The following ST6GAL2 variants were observed in gnomAD, a reference collection of about 807,000 sequenced individuals.
ST6GAL2 encodes beta-galactoside alpha-2,6-sialyltransferase 2.
Under a neutral mutation model 37.5 loss-of-function variants are expected in ST6GAL2, and 24 were observed. The observed-to-expected ratio is 0.64, with a 90% CI of 0.46 to 0.90. The LOEUF (loss-of-function observed/expected upper bound fraction) is 0.90. Among genes scored for constraint, ST6GAL2 ranks in the 40% least tolerant of loss-of-function variants. The pLI is 0.00. For missense variants in ST6GAL2, 715 were observed against 712.7 expected (o/e 1.00, Z -0.04); for synonymous variants, 306 against 295.1 (o/e 1.04, Z -0.38).
chr2:106,879,549 T>C (rs1331336663), intron 1 of ST6GAL2, among the ~76,000 whole-genome samples: 1 of 151,992 alleles, frequency 6.6e-6, no homozygotes, highest in African/African-American at 2.4e-5. Flanking sequence ...GGCAGAAGAA[T>C]GTTTTTTAAC....
In ST6GAL2 at chr2:106,843,854, A is replaced by T; in HGVS notation, c.124T>A (p.Ser42Thr). The change falls in exon 2 of 6, where the codon TCC becomes ACC. Residue 42 changes from serine (S) to threonine (T), a missense_variant. Coordinates refer to ENST00000409382, the MANE Select transcript of ST6GAL2 (RefSeq NM_001142351.2). ...DSNPAEPVPS[S>T]LSFLETRRLL... ...CTCCTGGTCTCCAGGAAGGAGAGGG[A>T]GCTGGGTACAGGCTCAGCGGGGTTG... is the stretch of plus-strand genomic sequence containing the variant. The T allele has an allele frequency of 3.7e-6, 6 of 1,611,972 alleles. No homozygotes were observed. Among genetic ancestry groups the T allele is most frequent in the Non-Finnish European group, 5.1e-6 (6 of 1,179,774 alleles).
intron 1 of ST6GAL2, among the ~76,000 whole-genome samples, chr2:106,847,336 G>A (rs1677183698): frequency 6.6e-6 from 1 of 152,218 alleles, no homozygotes. Flanking sequence ...CAGGGACAGT[G>A]CTTTGAGCTG....
chr2:106,851,344 CCAAA>C (rs1030578005), intron 1 of ST6GAL2, among the ~76,000 whole-genome samples: 73 of 152,246 alleles, frequency 4.8e-4, no homozygotes, highest in African/African-American at 1.7e-3. Context: ...ATACTAATGC[CCAAA>C]CAAAGACACG....
At chr2:106,865,371 C>T (rs1677979902) in intron 1 of ST6GAL2, among the ~76,000 whole-genome samples, 1 of 152,122 alleles carries the variant, frequency 6.6e-6, no homozygotes, top group Non-Finnish European at 1.5e-5. Flanking sequence ...GCAGAGAGCA[C>T]ATGCTTAGAG....
chr2:106,816,154 C>T (rs1034324351), intron 5 of ST6GAL2, among the ~76,000 whole-genome samples: 19 of 152,154 alleles, frequency 1.2e-4, no homozygotes, highest in African/African-American at 4.6e-4. Context: ...TTTATAAGGA[C>T]TGCAAAGTTC....
intron 5 of ST6GAL2, among the ~76,000 whole-genome samples, chr2:106,811,896 T>A (rs528754068): frequency 7.2e-5 from 11 of 152,182 alleles, no homozygotes; most frequent in African/African-American, 2.4e-4. Context: ...AAGGAAGAAG[T>A]GTACAGGGTA....
rs961837108 is a variant in ST6GAL2 at position 106,832,683 on chromosome 2, A to G, written c.1042-17T>C. 6.7e-7 allele frequency: 1 copy of G among 1,489,020 alleles called. No homozygotes were observed. The highest frequency in any genetic ancestry group is 1.7e-5 in the Admixed American group (1 of 59,876). The allele number at this position is 1,489,020 out of a possible 1,614,324, so 92.2% of individuals were successfully genotyped here. ...GGTCAGAATCTGCAAACACACAGAA[A>G]AACCATTTCAAAGCCAGGGTTTGGT... On this transcript the variant is annotated splice_polypyrimidine_tract_variant and intron_variant, in intron 3 of 5. Transcript: ENST00000409382.
intron 5 of ST6GAL2, among the ~76,000 whole-genome samples, chr2:106,826,362 G>T (rs1676204036): frequency 1.3e-5 from 2 of 152,010 alleles, no homozygotes; most frequent in African/African-American, 4.8e-5. Context: ...GAAAGCAGGG[G>T]CAAGAGACAG....
At chr2:106,846,857 A>G (rs939003141) in intron 1 of ST6GAL2, among the ~76,000 whole-genome samples, 3 of 152,194 alleles carry the variant, frequency 2.0e-5, no homozygotes, top group Non-Finnish European at 2.9e-5. Flanking sequence ...GGATTATTTT[A>G]TTTGGTCTTT....
chr2:106,874,671 T>A (rs1483527404), intron 1 of ST6GAL2, among the ~76,000 whole-genome samples: 1 of 152,252 alleles, frequency 6.6e-6, no homozygotes, highest in Non-Finnish European at 1.5e-5. Flanking sequence ...TTCCCCTCAA[T>A]TTTTTTCTTA....
intron 1 of ST6GAL2, among the ~76,000 whole-genome samples, chr2:106,867,054 A>G (rs1469565623): frequency 6.6e-6 from 1 of 152,202 alleles, no homozygotes; most frequent in Non-Finnish European, 1.5e-5. Context: ...TCAAGAGGCA[A>G]GGAAGAGAAG....
chr2:106,860,355 G>A (rs1677747098), intron 1 of ST6GAL2, among the ~76,000 whole-genome samples: 1 of 152,218 alleles, frequency 6.6e-6, no homozygotes, highest in South Asian at 2.1e-4. Context: ...CCAGGAAGGA[G>A]ATTGAGGAGG....
chr2:106,808,523 C>T (rs1260203192), intron 5 of ST6GAL2, among the ~76,000 whole-genome samples: 1 of 152,164 alleles, frequency 6.6e-6, no homozygotes, highest in Admixed American at 6.5e-5. Context: ...TACCAGTTTC[C>T]TTCCTTCTTC....
chr2:106,809,928 T>G (rs1675546836), intron 5 of ST6GAL2, among the ~76,000 whole-genome samples: 2 of 152,198 alleles, frequency 1.3e-5, no homozygotes, highest in African/African-American at 4.8e-5. Flanking sequence ...TGGTCTACTC[T>G]CCATGCTTTA....
chr2:106,837,837 T>C lies in ST6GAL2; in HGVS notation c.944-3691A>G, dbSNP rs575065788. On this transcript the variant is annotated intron_variant, in intron 2 of 5. Transcript: ENST00000409382. ...GCTGTGCTCTAAACCATCCAAGGAC[T>C]TCACGAGGCACAGGGCACAGAAAGA... Among the ~76,000 whole-genome samples the C allele has an allele frequency of 6.6e-5, 10 of 152,342 alleles. No individual in the cohort carries two copies. In the South Asian group the frequency reaches 2.1e-3, roughly 32 times the overall value.
chr2:106,838,127 A>T (rs568916606), intron 2 of ST6GAL2, among the ~76,000 whole-genome samples: 1 of 152,340 alleles, frequency 6.6e-6, no homozygotes, highest in African/African-American at 2.4e-5. Context: ...CTGTCCATTC[A>T]TATTTAGAAA....
At chr2:106,838,752 T>C (rs1361520383) in intron 2 of ST6GAL2, among the ~76,000 whole-genome samples, 1 of 152,136 alleles carries the variant, frequency 6.6e-6, no homozygotes, top group Non-Finnish European at 1.5e-5. Context: ...AAAAGCACTT[T>C]GGGTTGGGCA....
intron 5 of ST6GAL2, among the ~76,000 whole-genome samples, chr2:106,815,554 T>C (rs531830837): frequency 1.3e-5 from 2 of 152,362 alleles, no homozygotes; most frequent in South Asian, 4.1e-4. Flanking sequence ...AGTCCTTTTC[T>C]GTTTGGGAAA....
chr2:106,852,645 G>A (rs1677415854), intron 1 of ST6GAL2, among the ~76,000 whole-genome samples: 1 of 152,192 alleles, frequency 6.6e-6, no homozygotes, highest in Admixed American at 6.5e-5. Context: ...TACTGCAATG[G>A]CATTGCCTGA....
Sources: allele counts gnomAD v4.1 joint callset (sites outside exome capture counted in the v4.1 genomes callset), GRCh38; gene constraint gnomAD v4.1.1; transcripts MANE v1.5; gene names NCBI Gene and HGNC (gene_info 2026-07-23, HGNC 2026-07-21).